The following SSH2 variants were observed in gnomAD, a reference collection of about 807,000 sequenced individuals.
The protein encoded by SSH2 is slingshot protein phosphatase 2, also known as protein phosphatase Slingshot homolog 2.
In SSH2, 37 loss-of-function variants were observed where a neutral mutation model predicts 135.2. The ratio of observed to expected loss-of-function variants is 0.27; its 90% CI spans 0.21 to 0.36. The LOEUF is 0.36. SSH2 is among the 10% of genes least tolerant of loss of function. SSH2 has a pLI of 1.00. For missense variants in SSH2, 1,408 were observed against 1,765.3 expected (o/e 0.80, Z 3.63); for synonymous variants, 628 against 646.2 (o/e 0.97, Z 0.43).
intron 8 of SSH2, among the ~76,000 whole-genome samples, chr17:29,673,389 G>A (rs2037573389): frequency 6.6e-6 from 1 of 151,986 alleles, no homozygotes; most frequent in Admixed American, 6.6e-5. Context: ...AACCAACATG[G>A]TGAAACCCCA....
intron 3 of SSH2, among the ~76,000 whole-genome samples, chr17:29,785,593 G>A (rs4056110): frequency 3.4e-5 from 5 of 147,644 alleles, no homozygotes; most frequent in African/African-American, 1.0e-4. Flanking sequence ...TCTGCTTCCC[G>A]GGTTCAAGCG....
chr17:29,926,906 A>G (rs1401091430), intron 1 of SSH2, among the ~76,000 whole-genome samples: 1 of 152,208 alleles, frequency 6.6e-6, no homozygotes, highest in Non-Finnish European at 1.5e-5. Context: ...CCTATTAGGC[A>G]TACTTTTTGA....
At chr17:29,689,881 G>A (rs2038388418) in intron 5 of SSH2, among the ~76,000 whole-genome samples, 1 of 151,830 alleles carries the variant, frequency 6.6e-6, no homozygotes, top group Non-Finnish European at 1.5e-5. Flanking sequence ...GGGCATCATG[G>A]CATGTACCTG....
At chr17:29,652,729 G>T (rs1460128449) in intron 12 of SSH2, among the ~76,000 whole-genome samples, 1 of 152,026 alleles carries the variant, frequency 6.6e-6, no homozygotes, top group African/African-American at 2.4e-5. Context: ...CACGATCTTG[G>T]CTCTCTGCAA....
intron 8 of SSH2, among the ~76,000 whole-genome samples, chr17:29,674,617 C>G (rs1044106938): frequency 2.0e-5 from 3 of 152,144 alleles, no homozygotes; most frequent in Non-Finnish European, 4.4e-5. Flanking sequence ...CTTCAACTCA[C>G]TACTCCCCAT....
chr17:29,851,177 T>G (rs1255841222), intron 1 of SSH2, among the ~76,000 whole-genome samples: 1 of 152,170 alleles, frequency 6.6e-6, no homozygotes, highest in Non-Finnish European at 1.5e-5. Flanking sequence ...ATAATAAATA[T>G]TTGAAAGAAT....
intron 5 of SSH2, among the ~76,000 whole-genome samples, chr17:29,688,935 C>T (rs1178065740): frequency 3.3e-5 from 5 of 152,068 alleles, no homozygotes; most frequent in African/African-American, 9.7e-5. Flanking sequence ...GCAGGTGGAT[C>T]GCTTGAGGTC....
chr17:29,818,544 A>G (rs1476964394), intron 2 of SSH2, among the ~76,000 whole-genome samples: 1 of 152,026 alleles, frequency 6.6e-6, no homozygotes, highest in Non-Finnish European at 1.5e-5. Flanking sequence ...CACTGCGCCC[A>G]GCCCGCCAAG....
intron 3 of SSH2, among the ~76,000 whole-genome samples, chr17:29,783,230 G>A (rs2041878907): frequency 6.7e-6 from 1 of 148,664 alleles, no homozygotes; most frequent in African/African-American, 2.5e-5. Flanking sequence ...ATTTATTAGG[G>A]TTCTCTATAG....
At chr17:29,817,533 T>C (rs576553441) in intron 2 of SSH2, among the ~76,000 whole-genome samples, 1 of 152,320 alleles carries the variant, frequency 6.6e-6, no homozygotes, top group Admixed American at 6.5e-5. Context: ...CATTAGAATT[T>C]TTATAATCAA....
intron 3 of SSH2, among the ~76,000 whole-genome samples, chr17:29,719,675 A>G (rs2039755135): frequency 6.6e-6 from 1 of 152,236 alleles, no homozygotes; most frequent in South Asian, 2.1e-4. Context: ...TGAGAAAACA[A>G]AGGTTTTGAG....
At chr17:29,800,338 C>T (rs1442266037) in intron 2 of SSH2, among the ~76,000 whole-genome samples, 1 of 152,096 alleles carries the variant, frequency 6.6e-6, no homozygotes, top group Non-Finnish European at 1.5e-5. Flanking sequence ...AAAGCAAAGA[C>T]ACAACATTTC....
intron 3 of SSH2, chr17:29,716,605 G>A: frequency 1.5e-6 from 1 of 684,518 alleles, no homozygotes; most frequent in Non-Finnish European, 2.7e-6. Flanking sequence ...GCATATGCAT[G>A]GCCAAAGGAA....
intron 1 of SSH2, among the ~76,000 whole-genome samples, chr17:29,920,599 T>C (rs1286289141): frequency 6.6e-6 from 1 of 152,166 alleles, no homozygotes; most frequent in African/African-American, 2.4e-5. Flanking sequence ...TTTCATATAA[T>C]GAACTAAGAA....
intron 6 of SSH2, 71 bp downstream of exon 6, chr17:29,684,492 A>T: frequency 1.4e-6 from 2 of 1,427,356 alleles, no homozygotes; most frequent in Non-Finnish European, 1.9e-6. Context: ...TTAAAAAAAA[A>T]AAAAAAAAAA....
chr17:29,745,922 CACTATT>C (rs1459137921), intron 3 of SSH2, among the ~76,000 whole-genome samples: 2 of 152,108 alleles, frequency 1.3e-5, no homozygotes, highest in Non-Finnish European at 2.9e-5. Flanking sequence ...TCAAACACTG[CACTATT>C]ACTGTTAGGT....
At chr17:29,919,109 A>C (rs2066931323) in intron 1 of SSH2, among the ~76,000 whole-genome samples, 1 of 152,144 alleles carries the variant, frequency 6.6e-6, no homozygotes, top group Non-Finnish European at 1.5e-5. Context: ...CTACTGACCT[A>C]TTTAATATCA....
At position 29,860,496 on chromosome 17, in the gene SSH2, AGTG is replaced by A. The variant is rs543560386; in HGVS notation, c.64-11570_64-11568del. 4.2e-3 allele frequency among the ~76,000 whole-genome samples: 588 copies of A among 140,896 alleles called. 3 individuals carry two copies. Among genetic ancestry groups the A allele is most frequent in the Non-Finnish European group, 7.3e-3 (483 of 66,572 alleles). 92.4% of individuals were successfully genotyped at this position (140,896 alleles called of 152,430 possible). ...CACTCTATCACCCAGGATGGAGTAC[AGTG>A]GTGCAATCTCAGCTCATTGCAACCT... On this transcript the variant is annotated intron_variant, in intron 1 of 15. Coordinates refer to ENST00000540801, the MANE Select transcript of SSH2 (RefSeq NM_001282129.2).
chr17:29,667,169 G>A lies in SSH2; in HGVS notation c.864C>T (p.Ile288=). 1.9e-6 allele frequency: 3 copies of A among 1,613,712 alleles called. No individual in the cohort carries two copies. The highest frequency in any genetic ancestry group is 2.5e-6 in the Non-Finnish European group (3 of 1,179,768). ...ERLIKTKLRE[I]MMQKDLENIT... is the part of the protein sequence containing the mutation. ...TATTCTCCAAATCCTTCTGCATCATGATCTCCCTTAATTTGGTTTTAATTA... is the reference window on the plus strand; with the variant it reads ...TATTCTCCAAATCCTTCTGCATCATAATCTCCCTTAATTTGGTTTTAATTA... Residue 288 remains isoleucine, a synonymous_variant, in exon 10 of 16, where the codon ATC becomes ATT. Coordinates refer to ENST00000540801, the MANE Select transcript of SSH2 (RefSeq NM_001282129.2).
Sources: allele counts gnomAD v4.1 joint callset (sites outside exome capture counted in the v4.1 genomes callset), GRCh38; gene constraint gnomAD v4.1.1; transcripts MANE v1.5; gene names NCBI Gene and HGNC (gene_info 2026-07-23, HGNC 2026-07-21).